The following ACSS3 variants were observed in gnomAD, a reference collection of about 807,000 sequenced individuals.
ACSS3 encodes the protein acyl-CoA synthetase short chain family member 3.
Under a neutral mutation model 84.2 loss-of-function variants are expected in ACSS3, and 64 were observed. That is an observed-to-expected ratio of 0.76 (90% confidence interval 0.62 to 0.94). ACSS3 has a LOEUF of 0.94. ACSS3 is among the 40% of genes least tolerant of loss of function. ACSS3 has a pLI of 0.00. For missense variants in ACSS3, 815 were observed against 867.6 expected, an observed-to-expected ratio of 0.94 and a Z score of 0.76; for synonymous variants, 317 against 310.1, an observed-to-expected ratio of 1.02 and a Z score of -0.23.
intron 8 of ACSS3, among the ~76,000 whole-genome samples, chr12:81,190,173 G>A (rs750908051): frequency 6.6e-6 from 1 of 151,682 alleles, no homozygotes; most frequent in Admixed American, 6.6e-5. Flanking sequence ...ACAGATTTTA[G>A]TATCAGCCTA....
intron 7 of ACSS3, among the ~76,000 whole-genome samples, chr12:81,154,033 C>T (rs575324327): frequency 6.6e-6 from 1 of 152,268 alleles, no homozygotes; most frequent in South Asian, 2.1e-4. Flanking sequence ...TTATATCTTG[C>T]ATACTGAATG....
chr12:81,177,857 C>T (rs1461985877), intron 8 of ACSS3, among the ~76,000 whole-genome samples: 3 of 152,192 alleles, frequency 2.0e-5, no homozygotes, highest in Admixed American at 2.0e-4. Context: ...CACTTTTACA[C>T]TGTTGGTGGG....
At chr12:81,232,767 G>A (rs2033508210) in intron 12 of ACSS3, among the ~76,000 whole-genome samples, 1 of 151,560 alleles carries the variant, frequency 6.6e-6, no homozygotes, top group South Asian at 2.1e-4. Flanking sequence ...AGAAGCATTA[G>A]GAAAAATAAT....
At chr12:81,151,761 A>T in intron 5 of ACSS3, 83 bp from the exon 6 acceptor site, 1 of 1,216,524 alleles carries the variant, frequency 8.2e-7, no homozygotes, top group Non-Finnish European at 1.2e-6. Flanking sequence ...TTTGACCAGG[A>T]ACTTTTAAAG....
chr12:81,177,153 A>G (rs76665977), intron 8 of ACSS3, among the ~76,000 whole-genome samples: 2,830 of 152,254 alleles, frequency 0.019, 85 homozygotes, highest in African/African-American at 0.064. Flanking sequence ...GCATCAAAAG[A>G]ACATACCTCA....
intron 2 of ACSS3, among the ~76,000 whole-genome samples, chr12:81,129,619 C>T (rs1471099251): frequency 6.6e-6 from 1 of 152,066 alleles, no homozygotes; most frequent in African/African-American, 2.4e-5. Context: ...TTGTTTCACA[C>T]AAGGTCTTGA....
chr12:81,215,187 G>T (rs1476711528), intron 9 of ACSS3, among the ~76,000 whole-genome samples: 2 of 152,178 alleles, frequency 1.3e-5, no homozygotes, highest in Non-Finnish European at 2.9e-5. Context: ...ATCGGCAGGA[G>T]TATTAGATGG....
In ACSS3 at chr12:81,096,718, G is replaced by A. The variant is rs548003716; in HGVS notation, c.312-12842G>A. The stretch of plus-strand genomic sequence containing the variant: ...CTTCCACTTATGAGTGAGAACATGT[G>A]GTGTTTGGTTTTCTGTTCCTGTGTT... On this transcript the variant is annotated intron_variant, in intron 1 of 15. Transcript: ENST00000548058. Among the ~76,000 whole-genome samples the A allele has an allele frequency of 1.5e-4, 23 of 151,698 alleles. 1 individual carries two copies. The South Asian group carries it at 4.4e-3, about 29-fold the overall frequency.
At chr12:81,210,078 A>G (rs2032529234) in intron 9 of ACSS3, among the ~76,000 whole-genome samples, 1 of 152,144 alleles carries the variant, frequency 6.6e-6, no homozygotes. Flanking sequence ...TCCTGTGACT[A>G]AGAATGCCTA....
At chr12:81,204,310 TTCCTCCTCTTCTTC>T (rs1565719014) in intron 9 of ACSS3, among the ~76,000 whole-genome samples, 1 of 151,352 alleles carries the variant, frequency 6.6e-6, no homozygotes, top group Non-Finnish European at 1.5e-5. Context: ...CTCTTCTTCC[TTCCTCCTCTTCTTC>T]CTTCCTCCTC....
chr12:81,252,338 T>G (rs1422549622), intron 13 of ACSS3, among the ~76,000 whole-genome samples: 1 of 152,264 alleles, frequency 6.6e-6, no homozygotes, highest in South Asian at 2.1e-4. Flanking sequence ...TGAAAGCATC[T>G]TGAAGCAATA....
chr12:81,242,625 C>T (rs1020682542), intron 13 of ACSS3, among the ~76,000 whole-genome samples: 72 of 146,568 alleles, frequency 4.9e-4, no homozygotes, highest in African/African-American at 1.6e-3. Context: ...TACTGGCAAA[C>T]TGAATCCAGC....
chr12:81,248,392 C>T (rs2034050082), intron 13 of ACSS3, among the ~76,000 whole-genome samples: 1 of 151,922 alleles, frequency 6.6e-6, no homozygotes, highest in African/African-American at 2.4e-5. Flanking sequence ...TAATAAAATC[C>T]TGCCATTTGC....
intron 13 of ACSS3, among the ~76,000 whole-genome samples, chr12:81,246,933 A>G (rs1279669466): frequency 6.6e-6 from 1 of 152,124 alleles, no homozygotes. Flanking sequence ...CCCGAATCTA[A>G]AAGTTAAAAA....
chr12:81,254,767 GA>G (rs2034253124), intron 15 of ACSS3, 89 bp from the exon 16 acceptor site: 2 of 1,044,988 alleles, frequency 1.9e-6, no homozygotes, highest in Non-Finnish European at 2.8e-6. Flanking sequence ...AGACAATGGG[GA>G]AAACAACATT....
chr12:81,092,078 G>A (rs975692707), intron 1 of ACSS3, among the ~76,000 whole-genome samples: 4 of 152,106 alleles, frequency 2.6e-5, no homozygotes, highest in African/African-American at 9.6e-5. Context: ...AACGAGCTGT[G>A]CATACATAAA....
chr12:81,202,991 G>C (rs2032176619), intron 9 of ACSS3, among the ~76,000 whole-genome samples: 1 of 152,136 alleles, frequency 6.6e-6, no homozygotes, highest in South Asian at 2.1e-4. Context: ...GAGAAGTCCT[G>C]TAATAGGCCA....
At chr12:81,234,075 G>C (rs2033552692) in intron 13 of ACSS3, among the ~76,000 whole-genome samples, 1 of 151,170 alleles carries the variant, frequency 6.6e-6, no homozygotes, top group African/African-American at 2.4e-5. Flanking sequence ...TTCTGACTCT[G>C]GTACCCCTTA....
At chr12:81,199,518 T>C (rs1199727750) in intron 9 of ACSS3, 74 bp downstream of exon 9, 1 of 1,514,360 alleles carries the variant, frequency 6.6e-7, no homozygotes, top group Non-Finnish European at 9.0e-7. Context: ...GAGGAAACTT[T>C]TGAGCTACGA....
Sources: allele counts gnomAD v4.1 joint callset (sites outside exome capture counted in the v4.1 genomes callset), GRCh38; gene constraint gnomAD v4.1.1; transcripts MANE v1.5; gene names NCBI Gene and HGNC (gene_info 2026-07-23, HGNC 2026-07-21).